PDE4D: variants seen among roughly 807,000 people sequenced by gnomAD.
PDE4D encodes the protein 3',5'-cyclic-AMP phosphodiesterase 4D.
PDE4D carries 24 observed loss-of-function variants against 87.4 expected under a neutral mutation model. The ratio of observed to expected loss-of-function variants is 0.27; its 90% CI spans 0.20 to 0.39. The LOEUF (loss-of-function observed/expected upper bound fraction) is 0.39, where lower values mean the gene tolerates loss of function less well. Among genes scored for constraint, PDE4D ranks in the 10% least tolerant of loss-of-function variants. PDE4D has a pLI of 1.00. For missense variants in PDE4D, 714 were observed against 1,041.0 expected (o/e 0.69, Z 4.32); for synonymous variants, 384 against 383.2 (o/e 1.00, Z -0.02).
At chr5:60,418,175 G>A (rs10075880) in intron 1 of PDE4D, among the ~76,000 whole-genome samples, 41,981 of 146,894 alleles carry the variant, frequency 0.29, 6,703 homozygotes, top group African/African-American at 0.46. Flanking sequence ...GAGGTAAAGG[G>A]AAAAAAAACA....
chr5:60,178,035 A>G (rs1005777218), intron 2 of PDE4D, among the ~76,000 whole-genome samples: 1 of 152,200 alleles, frequency 6.6e-6, no homozygotes, highest in Admixed American at 6.5e-5. Flanking sequence ...AAATGTTTAA[A>G]TGTTTTATAA....
At chr5:60,395,080 C>T (rs1762796902) in intron 1 of PDE4D, among the ~76,000 whole-genome samples, 2 of 152,160 alleles carry the variant, frequency 1.3e-5, no homozygotes, top group African/African-American at 2.4e-5. Flanking sequence ...CAAGACCTTC[C>T]TCATGCTCCA....
At chr5:59,784,011 A>G (rs1044641370) in intron 1 of PDE4D, among the ~76,000 whole-genome samples, 1 of 152,140 alleles carries the variant, frequency 6.6e-6, no homozygotes, top group Non-Finnish European at 1.5e-5. Flanking sequence ...TGAGTTGGTA[A>G]TTGGGCCACT....
chr5:59,665,709 G>C (rs1219833235), intron 1 of PDE4D, among the ~76,000 whole-genome samples: 1 of 152,194 alleles, frequency 6.6e-6, no homozygotes, highest in Non-Finnish European at 1.5e-5. Flanking sequence ...TTAGGAGGTA[G>C]GGCCTTTGGG....
At chr5:59,956,842 G>T (rs1383114094) in intron 3 of PDE4D, among the ~76,000 whole-genome samples, 2 of 151,870 alleles carry the variant, frequency 1.3e-5, no homozygotes, top group Non-Finnish European at 1.5e-5. Flanking sequence ...CAATTCCATT[G>T]CCTAAATTGA....
intron 1 of PDE4D, among the ~76,000 whole-genome samples, chr5:59,570,365 T>C (rs1296609836): frequency 6.6e-6 from 1 of 152,194 alleles, no homozygotes; most frequent in East Asian, 1.9e-4. Context: ...AATAAGGATG[T>C]CATACAAAAT....
chr5:59,873,282 G>T (rs960618193), intron 1 of PDE4D, among the ~76,000 whole-genome samples: 1 of 152,194 alleles, frequency 6.6e-6, no homozygotes, highest in African/African-American at 2.4e-5. Flanking sequence ...ACACAGTCAG[G>T]GGGATGACTG....
chr5:60,077,678 G>T (rs1308881697), intron 2 of PDE4D, among the ~76,000 whole-genome samples: 1 of 152,142 alleles, frequency 6.6e-6, no homozygotes, highest in African/African-American at 2.4e-5. Flanking sequence ...TAGGGAGATG[G>T]GTGTCCCTGG....
chr5:60,055,922 C>A (rs1415316921), intron 2 of PDE4D, among the ~76,000 whole-genome samples: 1 of 151,572 alleles, frequency 6.6e-6, no homozygotes, highest in East Asian at 1.9e-4. Context: ...ACAAAGAAAC[C>A]AAAAGGGAAA....
chr5:59,703,482 C>A, intron 1 of PDE4D: 1 of 510,826 alleles, frequency 2.0e-6, no homozygotes, highest in Non-Finnish European at 4.0e-6. Flanking sequence ...ATTGATACAG[C>A]ATTACAAATT....
chr5:60,516,172 C>G (rs1583972500), intron 1 of PDE4D, among the ~76,000 whole-genome samples: 1 of 152,224 alleles, frequency 6.6e-6, no homozygotes, highest in East Asian at 1.9e-4. Context: ...ATCAATATAT[C>G]AATGTAATAA....
At chr5:59,250,036 G>C (rs1233009783) in intron 1 of PDE4D, among the ~76,000 whole-genome samples, 4 of 151,590 alleles carry the variant, frequency 2.6e-5, no homozygotes, top group Non-Finnish European at 5.9e-5. Flanking sequence ...GTAGAGACAG[G>C]GCCTTGCTTT....
intron 1 of PDE4D, among the ~76,000 whole-genome samples, chr5:60,311,108 C>G (rs1173659317): frequency 6.6e-6 from 1 of 151,858 alleles, no homozygotes; most frequent in Non-Finnish European, 1.5e-5. Context: ...GTCTTCACCT[C>G]CCAGGTTCAA....
intron 1 of PDE4D, among the ~76,000 whole-genome samples, chr5:59,256,365 T>A (rs914609550): frequency 6.6e-6 from 1 of 152,064 alleles, no homozygotes; most frequent in Non-Finnish European, 1.5e-5. Flanking sequence ...CTCCTTTTAA[T>A]AGGCATGAAT....
intron 1 of PDE4D, among the ~76,000 whole-genome samples, chr5:59,442,437 G>A (rs996132780): frequency 1.3e-5 from 2 of 152,124 alleles, no homozygotes; most frequent in African/African-American, 4.8e-5. Context: ...CAGGGTCTTT[G>A]AGCTCATTTT....
At chr5:59,138,732 C>A (rs2153454355) in intron 5 of PDE4D, among the ~76,000 whole-genome samples, 1 of 152,284 alleles carries the variant, frequency 6.6e-6, no homozygotes, top group Non-Finnish European at 1.5e-5. Context: ...TCCATTCAGT[C>A]ATTTAACCAA....
At chr5:59,803,921 A>G (rs1427960400) in intron 1 of PDE4D, among the ~76,000 whole-genome samples, 2 of 152,218 alleles carry the variant, frequency 1.3e-5, no homozygotes, top group Non-Finnish European at 2.9e-5. Flanking sequence ...TGCTGATTGC[A>G]GGTACTCAAA....
intron 2 of PDE4D, among the ~76,000 whole-genome samples, chr5:60,030,478 C>A (rs1273459378): frequency 6.6e-6 from 1 of 152,156 alleles, no homozygotes; most frequent in African/African-American, 2.4e-5. Flanking sequence ...AAACAAAAAA[C>A]AAAAACAAGA....
chr5:60,001,600 T>C (rs936001721), intron 2 of PDE4D, among the ~76,000 whole-genome samples: 2 of 152,186 alleles, frequency 1.3e-5, no homozygotes, highest in Admixed American at 6.5e-5. Context: ...AAATTCTGTA[T>C]ACTTGCATGT....
Sources: gnomAD v4.1 joint callset for allele counts (sites outside exome capture counted in the v4.1 genomes callset) on GRCh38, gnomAD v4.1.1 for gene constraint, MANE v1.5 for transcripts, NCBI Gene and HGNC (gene_info 2026-07-23, HGNC 2026-07-21) for gene names.